The following ZNFX1 variants were observed in gnomAD, a reference collection of about 807,000 sequenced individuals.
ZNFX1 encodes the protein zinc finger NFX1-type containing 1.
ZNFX1 carries 78 observed loss-of-function variants against 179.8 expected under a neutral mutation model. That is an observed-to-expected ratio of 0.43 (90% CI 0.36 to 0.52). The LOEUF is 0.52. Ranked by LOEUF, ZNFX1 falls within the 20% of genes least tolerant of loss-of-function variation. ZNFX1 has a pLI of 0.00. For synonymous variants in ZNFX1, 848 were observed against 868.5 expected (o/e 0.98, Z 0.42); for missense variants, 1,927 against 2,386.6 (o/e 0.81, Z 4.01).
chr20:49,271,554 C>A lies in ZNFX1; in HGVS notation c.258G>T (p.Gly86=). 1 of 1,614,176 alleles carries A rather than the reference C, an allele frequency of 6.2e-7. No homozygotes were observed. The highest frequency in any genetic ancestry group is 8.5e-7 in the Non-Finnish European group (1 of 1,180,036). The change falls in exon 3 of 14, where the codon GGG becomes GGT. Residue 86 remains glycine, a synonymous_variant. Coordinates refer to ENST00000396105, the MANE Select transcript of ZNFX1 (RefSeq NM_021035.3). ...GGTCTCTAGCTTCGTCGCTGGCATGCCCCTCCTGGTTCCTCCTTCCTTGAT... is the reference window on the plus strand; with the variant it reads ...GGTCTCTAGCTTCGTCGCTGGCATGACCCTCCTGGTTCCTCCTTCCTTGAT... ...NPHQGRRNQE[G]HASDEARDQR...
chr20:49,252,040 C>T (rs1052715401), intron 12 of ZNFX1, among the ~76,000 whole-genome samples: 3 of 151,932 alleles, frequency 2.0e-5, no homozygotes, highest in Admixed American at 6.6e-5. Flanking sequence ...GCCATGTTGG[C>T]GAGGCTGGTC....
chr20:49,260,142 C>A (rs79358563), intron 7 of ZNFX1, among the ~76,000 whole-genome samples: 21 of 151,960 alleles, frequency 1.4e-4, no homozygotes, highest in Admixed American at 9.8e-4. Context: ...TCATTAGCTG[C>A]GCGTGGTGGC....
At position 49,273,555 on chromosome 20, in the gene ZNFX1, A is replaced by T. The variant is rs115317374; in HGVS notation, c.62-1805T>A. Among the ~76,000 whole-genome samples the T allele has an allele frequency of 3.6e-3, 552 of 152,360 alleles. 3 individuals carry two copies. The highest frequency in any genetic ancestry group is 0.013 in the African/African-American group (531 of 41,580). On this transcript the variant is annotated intron_variant, in intron 2 of 13. Coordinates refer to ENST00000396105, the MANE Select transcript of ZNFX1 (RefSeq NM_021035.3). ...TTCAAACTACCTCCAAAATCAGAAG[A>T]AAGTACTACTTTTAATATTTTTATC... is the stretch of plus-strand genomic sequence containing the variant.
At chr20:49,262,710 C>A (rs956859455) in intron 6 of ZNFX1, among the ~76,000 whole-genome samples, 4 of 152,200 alleles carry the variant, frequency 2.6e-5, no homozygotes, top group Non-Finnish European at 5.9e-5. Flanking sequence ...TCCTAGCCTG[C>A]CACTTTACAG....
chr20:49,248,443 G>A lies in ZNFX1; in HGVS notation c.4581C>T (p.Cys1527=). 1.9e-6 allele frequency: 3 copies of A among 1,610,184 alleles called. No individual in the cohort carries two copies. The highest frequency in any genetic ancestry group is 1.1e-5 in the South Asian group (1 of 90,648). The change falls in exon 14 of 14, where the codon TGC becomes TGT. Residue 1527 remains cysteine, a synonymous_variant. Transcript: ENST00000396105. This position sits in a 1 kb window ranked among gnomAD's most constrained non-coding sequence, Gnocchi z 4.6. ...ATGGGGGTCGGTTGCAGGGCTCAGA[G>A]CAGAGTTTGGTGCACTGGTAGTGCT... is the stretch of plus-strand genomic sequence containing the variant. The part of the protein sequence containing the change: ...RCQHYQCTKL[C]SEPCNRPPCY...
rs773563724 is a variant in ZNFX1 at position 49,248,219 on chromosome 20, C to T, written c.4805G>A (p.Arg1602His). Residue 1602 changes from arginine to histidine, a missense_variant, in exon 14 of 14, where the codon CGC becomes CAC. Coordinates refer to ENST00000396105, the MANE Select transcript of ZNFX1 (RefSeq NM_021035.3). The surrounding 1 kb of genome is among the most constrained non-coding windows in gnomAD (Gnocchi z 4.6). The stretch of plus-strand genomic sequence containing the variant: ...ATCATCCTTCTGTTCATTCATGTAG[C>T]GGTCTAGGGCTTGCACCTCAAAGAT... ...SHIFEVQALD[R>H]YMNEQKDDEV... 1.9e-5 allele frequency: 30 copies of T among 1,614,016 alleles called. No homozygotes were observed. The highest frequency in any genetic ancestry group is 4.0e-5 in the African/African-American group (3 of 74,898).
chr20:49,261,771 G>C (rs1020796816), intron 6 of ZNFX1, among the ~76,000 whole-genome samples: 6 of 151,348 alleles, frequency 4.0e-5, no homozygotes, highest in Admixed American at 4.0e-4. Flanking sequence ...TCAGCCTCCT[G>C]AGTAGCTGGG....
Position 49,271,140 on chromosome 20 carries a change from A to G in ZNFX1, c.672T>C (p.Tyr224=). 6.2e-7 allele frequency: 1 copy of G among 1,614,170 alleles called. No homozygotes were observed. Among genetic ancestry groups the G allele is most frequent in the Non-Finnish European group, 8.5e-7 (1 of 1,180,016 alleles). The change falls in exon 3 of 14, where the codon TAT becomes TAC. Residue 224 remains tyrosine (Y), a synonymous_variant. Transcript: ENST00000396105. ...TGGGTTCAGTGATCATCCCTACCAC[A>G]TAAGCAGGCAGGCAGACTTTGAGAA... is the stretch of plus-strand genomic sequence containing the variant. ...SKFLKVCLPA[Y]VVGMITEPIP...
chr20:49,263,945 C>T (rs1342103641), intron 5 of ZNFX1, among the ~76,000 whole-genome samples: 1 of 151,584 alleles, frequency 6.6e-6, no homozygotes, highest in South Asian at 2.1e-4. Flanking sequence ...AATGTTGGGC[C>T]GGGCGCGGTG....
chr20:49,260,788 GA>G (rs1265098231), intron 6 of ZNFX1, among the ~76,000 whole-genome samples: 9 of 148,164 alleles, frequency 6.1e-5, no homozygotes, highest in African/African-American at 7.4e-5. Context: ...TAAAAAGAGA[GA>G]AAAAAAAAAG....
intron 2 of ZNFX1, among the ~76,000 whole-genome samples, chr20:49,272,961 T>G (rs191151884): frequency 9.2e-5 from 14 of 151,980 alleles, no homozygotes; most frequent in Admixed American, 9.2e-4. Flanking sequence ...CAGAATGACA[T>G]GAAGATTTTA....
At position 49,253,826 on chromosome 20, in the gene ZNFX1, G is replaced by C. The variant is rs1234919321; in HGVS notation, c.2960-15C>G. On this transcript the variant is annotated splice_polypyrimidine_tract_variant and intron_variant, in intron 10 of 13. Coordinates refer to ENST00000396105, the MANE Select transcript of ZNFX1 (RefSeq NM_021035.3). ...TTTGGCAGCACCTCAAGTGAGGAAA[G>C]AAGAGAAAGGCTCCTCTGAGCTGAG... 4 of 1,613,472 alleles carry C rather than the reference G, an allele frequency of 2.5e-6. No individual in the cohort carries two copies. The highest frequency in any genetic ancestry group is 3.4e-6 in the Non-Finnish European group (4 of 1,179,954).
intron 13 of ZNFX1, 152 bp from the exon 14 acceptor site, chr20:49,249,863 A>G: frequency 2.7e-6 from 2 of 748,764 alleles, no homozygotes; most frequent in Non-Finnish European, 4.3e-6. Context: ...TTAGTTCTTT[A>G]GTTAGTCATT....
intron 9 of ZNFX1, among the ~76,000 whole-genome samples, chr20:49,255,519 T>C (rs1008544526): frequency 6.6e-6 from 1 of 152,040 alleles, no homozygotes; most frequent in Admixed American, 6.6e-5. Context: ...TTTATACCCA[T>C]TTGTAACTTT....
rs1980661007 is a variant in ZNFX1, at chr20:49,245,988, CTT to C, written c.*1277_*1278del. On this transcript the variant is annotated 3_prime_UTR_variant, in exon 14 of 14. Transcript: ENST00000396105. The stretch of plus-strand genomic sequence containing the variant: ...GAAATGCATACATAGGAAAGGGACA[CTT>C]AGAAAGGACCTGAGATACCTAAATG... The C allele has an allele frequency of 6.6e-6, 1 of 152,612 alleles. No individual in the cohort carries two copies. The highest frequency in any genetic ancestry group is 6.5e-5 in the Admixed American group (1 of 15,276). 9.5% of individuals were successfully genotyped at this position (152,612 alleles called of 1,614,324 possible). A position where few individuals can be genotyped will look rare whatever the true frequency, so the allele number is the denominator to read the frequency against.
In ZNFX1 at chr20:49,248,925, C is replaced by G. The variant is rs771716009; in HGVS notation, c.4099G>C (p.Glu1367Gln). The G allele has an allele frequency of 6.2e-6, 10 of 1,614,276 alleles. No homozygotes were observed. The highest frequency in any genetic ancestry group is 8.5e-6 in the Non-Finnish European group (10 of 1,180,050). Reference sequence around the variant, plus strand: ...GGCTCCTGGCAGCAGAAATCTGACTCAGGCACGGAACAAGGGACCATTTGT... The same window carrying G: ...GGCTCCTGGCAGCAGAAATCTGACTGAGGCACGGAACAAGGGACCATTTGT... ...HEQMVPCSVP[E>Q]SDFCCQEPCS... Residue 1367 changes from glutamate (E) to glutamine (Q), a missense_variant, in exon 14 of 14, where the codon GAG (glutamate) becomes CAG (glutamine). Transcript: ENST00000396105. This position sits in a 1 kb window ranked among gnomAD's most constrained non-coding sequence, Gnocchi z 4.6.
chr20:49,254,694 G>C, intron 9 of ZNFX1, 45 bp from the exon 10 acceptor site: 3 of 1,601,862 alleles, frequency 1.9e-6, no homozygotes, highest in Non-Finnish European at 2.6e-6. Context: ...CATGCTCTTT[G>C]AGAAGGTGGA....
intron 8 of ZNFX1, among the ~76,000 whole-genome samples, chr20:49,256,245 T>C (rs555180327): frequency 9.8e-5 from 15 of 152,362 alleles, no homozygotes; most frequent in African/African-American, 3.4e-4. Flanking sequence ...ATAATAATGG[T>C]ATCTCTTTAT....
rs763013545 is a variant in ZNFX1 at position 49,256,124 on chromosome 20, C to T, written c.2665-177G>A. ...GAGTGGCTAAACAAGGACTCTGGAG[C>T]CAGTTTGCCTGGCTTCAAAGCCCTA... is the stretch of plus-strand genomic sequence containing the variant. On this transcript the variant is annotated intron_variant, in intron 8 of 13. Coordinates refer to ENST00000396105, the MANE Select transcript of ZNFX1 (RefSeq NM_021035.3). 1.0e-5 allele frequency: 8 copies of T among 772,068 alleles called. No individual in the cohort carries two copies. The South Asian group carries it at 1.6e-4, about 15-fold the overall frequency. The allele number at this position is 772,068 out of a possible 1,614,324, so 47.8% of individuals were successfully genotyped here. A position where few individuals can be genotyped will look rare whatever the true frequency, so the allele number is the denominator to read the frequency against.
Sources: allele counts gnomAD v4.1 joint callset (sites outside exome capture counted in the v4.1 genomes callset), GRCh38; gene constraint gnomAD v4.1.1; non-coding constraint Gnocchi (gnomAD v3.1); transcripts MANE v1.5; gene names NCBI Gene and HGNC (gene_info 2026-07-23, HGNC 2026-07-21).